Variants in CRYL1 observed in about 807,000 individuals in gnomAD.
The protein encoded by CRYL1 is crystallin lambda 1, also known as lambda-crystallin homolog.
Under a neutral mutation model 36.6 loss-of-function variants are expected in CRYL1, and 29 were observed. That is an observed-to-expected ratio of 0.79 (90% CI 0.59 to 1.08). The LOEUF (loss-of-function observed/expected upper bound fraction) is 1.08. Among genes scored for constraint, CRYL1 ranks in the 50% least tolerant of loss-of-function variants. The pLI is 0.00. For missense variants in CRYL1, 411 were observed against 407.9 expected (o/e 1.01, Z -0.06); for synonymous variants, 152 against 151.5 (o/e 1.00, Z -0.02).
At chr13:20,456,492 A>AG (rs1346836037) in intron 3 of CRYL1, among the ~76,000 whole-genome samples, 9 of 151,354 alleles carry the variant, frequency 5.9e-5, no homozygotes, top group Non-Finnish European at 1.0e-4. Flanking sequence ...AAAAAAAAAA[A>AG]AAAAGAAAAG....
intron 1 of CRYL1, among the ~76,000 whole-genome samples, chr13:20,519,511 C>T (rs2034058413): frequency 6.7e-6 from 1 of 150,174 alleles, no homozygotes; most frequent in African/African-American, 2.4e-5. Context: ...GCCTGTAATC[C>T]CAGCACTTTA....
rs891280104 is a variant in CRYL1, at chr13:20,467,137, T to C, written c.276+22233A>G. Among the ~76,000 whole-genome samples, 11 of 150,708 alleles carry C rather than the reference T, an allele frequency of 7.3e-5. No homozygotes were observed. In the South Asian group the frequency reaches 1.0e-3, roughly 14 times the overall value. ...TGATTTTTTTTTTTTTCAGTAGAGATGGGGTTTCACCGTGTTAGCCAGGAT... is the reference window on the plus strand; with the variant it reads ...TGATTTTTTTTTTTTTCAGTAGAGACGGGGTTTCACCGTGTTAGCCAGGAT... On this transcript the variant is annotated intron_variant, in intron 3 of 7. Coordinates refer to ENST00000298248, the MANE Select transcript of CRYL1 (RefSeq NM_015974.3).
Position 20,489,471 on chromosome 13 carries a change from C to T in CRYL1, c.175G>A (p.Ala59Thr). ...IRKEMKLLEQ[A>T]GSLKGSLSVE... ...CTCAGGGAGCCTTTCAGAGAACCTG[C>T]CTGCTCCAGCAACTTCATCTCCTTT... The change falls in exon 3 of 8, where the codon GCA becomes ACA. Residue 59 changes from alanine (A) to threonine (T), a missense_variant. Coordinates refer to ENST00000298248, the MANE Select transcript of CRYL1 (RefSeq NM_015974.3). The T allele has an allele frequency of 6.2e-7, 1 of 1,613,326 alleles. No individual in the cohort carries two copies. The highest frequency in any genetic ancestry group is 8.5e-7 in the Non-Finnish European group (1 of 1,179,994).
At chr13:20,455,872 G>A (rs912454131) in intron 3 of CRYL1, among the ~76,000 whole-genome samples, 5 of 152,106 alleles carry the variant, frequency 3.3e-5, no homozygotes, top group African/African-American at 9.7e-5. Flanking sequence ...AAGTAATATG[G>A]GCACATACTG....
At chr13:20,503,994 AG>A (rs1380064754) in intron 2 of CRYL1, among the ~76,000 whole-genome samples, 1 of 152,188 alleles carries the variant, frequency 6.6e-6, no homozygotes, top group Non-Finnish European at 1.5e-5. Flanking sequence ...GCTGGGTGCC[AG>A]GGTGACCATG....
intron 5 of CRYL1, chr13:20,427,436 C>G (rs1344456281): frequency 6.0e-6 from 2 of 335,776 alleles, no homozygotes; most frequent in Non-Finnish European, 8.5e-6. Context: ...TGCAAGGGAA[C>G]AGAGAGAGAA....
chr13:20,524,229 A>ATT (rs957186576), intron 1 of CRYL1, among the ~76,000 whole-genome samples: 1 of 152,212 alleles, frequency 6.6e-6, no homozygotes, highest in African/African-American at 2.4e-5. Flanking sequence ...TCCTATTAAA[A>ATT]TTGTGTGTGT....
At chr13:20,504,357 G>A (rs1304881488) in intron 2 of CRYL1, among the ~76,000 whole-genome samples, 1 of 141,498 alleles carries the variant, frequency 7.1e-6, no homozygotes, top group Non-Finnish European at 1.5e-5. Context: ...AGGCTGGAGT[G>A]CAGTGGTGCA....
chr13:20,494,848 T>C lies in CRYL1; in HGVS notation c.150-5352A>G, dbSNP rs547783607. Among the ~76,000 whole-genome samples, 139 of 152,328 alleles carry C rather than the reference T, an allele frequency of 9.1e-4. 1 individual carries two copies. Among genetic ancestry groups the C allele is most frequent in the African/African-American group, 3.2e-3 (133 of 41,572 alleles). ...AGGCTGAGGAATGTGCAGTGGTGGTTCTGCCTCAGGCCCTTCCTCCCTGGG... is the reference window on the plus strand; with the variant it reads ...AGGCTGAGGAATGTGCAGTGGTGGTCCTGCCTCAGGCCCTTCCTCCCTGGG... On this transcript the variant is annotated intron_variant, in intron 2 of 7. Transcript: ENST00000298248.
At chr13:20,445,912 T>C (rs1252892269) in intron 3 of CRYL1, among the ~76,000 whole-genome samples, 2 of 152,130 alleles carry the variant, frequency 1.3e-5, no homozygotes, top group African/African-American at 2.4e-5. Flanking sequence ...ACCAGCCCAG[T>C]TGGTTCTGTC....
intron 3 of CRYL1, among the ~76,000 whole-genome samples, chr13:20,462,273 C>A (rs1341418480): frequency 6.6e-6 from 1 of 151,474 alleles, no homozygotes; most frequent in South Asian, 2.1e-4. Context: ...GCCCTGGGGG[C>A]GCCCAGGGGA....
intron 5 of CRYL1, among the ~76,000 whole-genome samples, chr13:20,428,058 C>T (rs771069766): frequency 2.6e-5 from 4 of 152,158 alleles, no homozygotes; most frequent in Admixed American, 1.3e-4. Flanking sequence ...CACCCTGGCC[C>T]GGATGGTTTC....
In CRYL1 at chr13:20,525,531, G is replaced by C. The variant is rs2034175483; in HGVS notation, c.41+223C>G. Among the ~76,000 whole-genome samples the C allele has an allele frequency of 6.6e-6, 1 of 152,128 alleles. No individual in the cohort carries two copies. The highest frequency in any genetic ancestry group is 6.5e-5 in the Admixed American group (1 of 15,276). ...CTGCAACGCTGGCTCCCGGGAAGCA[G>C]ACCCAACTCCGCGGGGCGCCTCCAC... is the stretch of plus-strand genomic sequence containing the variant. On this transcript the variant is annotated intron_variant, in intron 1 of 7. Transcript: ENST00000298248. The surrounding 1 kb of genome is among the most constrained non-coding windows in gnomAD (Gnocchi z 4.3).
chr13:20,411,464 ATTATC>A (rs1239957836), intron 6 of CRYL1, among the ~76,000 whole-genome samples: 2 of 152,080 alleles, frequency 1.3e-5, no homozygotes, highest in Non-Finnish European at 2.9e-5. Context: ...TGATTCCTCA[ATTATC>A]TTATTTTTCT....
intron 3 of CRYL1, among the ~76,000 whole-genome samples, chr13:20,456,637 C>CACACACACACA (rs72511414): frequency 1.2e-4 from 4 of 32,290 alleles, no homozygotes; most frequent in Admixed American, 3.0e-4. Flanking sequence ...CACACACACA[C>CACACACACACA]AAAGACCACG....
rs142527604 is a variant in CRYL1, at chr13:20,518,783, C to G, written c.42-6233G>C. Among the ~76,000 whole-genome samples, 114 of 152,146 alleles carry G rather than the reference C, an allele frequency of 7.5e-4. 1 individual carries two copies. In the East Asian group the frequency reaches 0.019, roughly 25 times the overall value. ...GGCAGAGGGGGTGCTGGAAAGGGGT[C>G]AGCTGAGAAATGAATGTGCAGTATT... is the stretch of plus-strand genomic sequence containing the variant. On this transcript the variant is annotated intron_variant, in intron 1 of 7. Coordinates refer to ENST00000298248, the MANE Select transcript of CRYL1 (RefSeq NM_015974.3).
chr13:20,419,773 T>G (rs1192962953), intron 5 of CRYL1, among the ~76,000 whole-genome samples: 2 of 152,166 alleles, frequency 1.3e-5, no homozygotes, highest in African/African-American at 4.8e-5. Context: ...GAGAAACTAG[T>G]TGGAATTATG....
intron 6 of CRYL1, among the ~76,000 whole-genome samples, chr13:20,407,815 G>A (rs569863120): frequency 4.6e-5 from 7 of 152,296 alleles, no homozygotes; most frequent in African/African-American, 7.2e-5. Flanking sequence ...TCTAACTTGC[G>A]AGCCTTGGGC....
At chr13:20,431,942 T>C in intron 5 of CRYL1, 160 bp downstream of exon 5, 1 of 1,537,020 alleles carries the variant, frequency 6.5e-7, no homozygotes, top group Non-Finnish European at 8.7e-7. Context: ...AAGCTGGCCC[T>C]TGGTCTCCAG....
Sources: allele counts gnomAD v4.1 joint callset (sites outside exome capture counted in the v4.1 genomes callset), GRCh38; gene constraint gnomAD v4.1.1; non-coding constraint Gnocchi (gnomAD v3.1); transcripts MANE v1.5; gene names NCBI Gene and HGNC (gene_info 2026-07-23, HGNC 2026-07-21).